DNM3: variants seen among roughly 807,000 people sequenced by gnomAD.
DNM3 encodes the protein dynamin-3.
Under a neutral mutation model 101.6 loss-of-function variants are expected in DNM3, and 47 were observed. The observed-to-expected ratio is 0.46, with a 90% CI of 0.37 to 0.59. The LOEUF is 0.59. Among genes scored for constraint, DNM3 ranks in the 20% least tolerant of loss-of-function variants. DNM3 has a pLI of 0.00. For synonymous variants in DNM3, 385 were observed against 387.9 expected, an observed-to-expected ratio of 0.99 and a Z score of 0.09; for missense variants, 849 against 1,085.7, an observed-to-expected ratio of 0.78 and a Z score of 3.06.
At chr1:171,851,463 G>T (rs1041294199) in intron 1 of DNM3, among the ~76,000 whole-genome samples, 5 of 152,350 alleles carry the variant, frequency 3.3e-5, no homozygotes, top group East Asian at 1.9e-4. Context: ...CGGCTGAAGT[G>T]CAGTGAGTGG....
At chr1:172,122,095 A>G (rs1338617191) in intron 13 of DNM3, among the ~76,000 whole-genome samples, 1 of 152,214 alleles carries the variant, frequency 6.6e-6, no homozygotes, top group Non-Finnish European at 1.5e-5. Context: ...CCTCTTTTAA[A>G]CAAGCAATAA....
At chr1:172,392,369 A>C (rs2069595043) in intron 20 of DNM3, among the ~76,000 whole-genome samples, 1 of 152,050 alleles carries the variant, frequency 6.6e-6, no homozygotes, top group South Asian at 2.1e-4. Flanking sequence ...CTCCCCTCTC[A>C]CCTCCACTCA....
intron 20 of DNM3, among the ~76,000 whole-genome samples, chr1:172,417,860 CA>C (rs1473796226): frequency 1.6e-4 from 25 of 152,326 alleles, no homozygotes; most frequent in African/African-American, 4.6e-4. Context: ...GGAGATTTCA[CA>C]ACATTCATTG....
chr1:172,054,875 C>T (rs901871926), intron 10 of DNM3, among the ~76,000 whole-genome samples: 3 of 152,102 alleles, frequency 2.0e-5, no homozygotes, highest in African/African-American at 7.2e-5. Flanking sequence ...AGGAGAATTG[C>T]TGGAACCTGG....
At chr1:172,025,644 G>A (rs2048152913) in intron 4 of DNM3, among the ~76,000 whole-genome samples, 3 of 152,176 alleles carry the variant, frequency 2.0e-5, no homozygotes, top group African/African-American at 7.2e-5. Flanking sequence ...GCCTCCGCTG[G>A]TGATACCCAG....
At chr1:172,078,398 T>C (rs938669100) in intron 11 of DNM3, among the ~76,000 whole-genome samples, 1 of 152,168 alleles carries the variant, frequency 6.6e-6, no homozygotes, top group Non-Finnish European at 1.5e-5. Context: ...GGCTGGGTCT[T>C]TGTTGGTTTA....
chr1:172,106,044 C>T (rs1177783863), intron 13 of DNM3, among the ~76,000 whole-genome samples: 1 of 151,964 alleles, frequency 6.6e-6, no homozygotes, highest in Non-Finnish European at 1.5e-5. Context: ...TAAAATAGTA[C>T]TGGATTTTCT....
At chr1:172,105,024 A>G (rs1241916096) in intron 13 of DNM3, among the ~76,000 whole-genome samples, 1 of 152,208 alleles carries the variant, frequency 6.6e-6, no homozygotes, top group East Asian at 1.9e-4. Flanking sequence ...AAGATTAAAC[A>G]CATTAATTTA....
intron 7 of DNM3, among the ~76,000 whole-genome samples, chr1:172,041,041 C>G (rs2049348750): frequency 6.6e-6 from 1 of 152,034 alleles, no homozygotes; most frequent in African/African-American, 2.4e-5. Flanking sequence ...CATTGAAAAA[C>G]AAGGCTAGAG....
rs778265323 is a variant in DNM3 at position 172,044,410 on chromosome 1, G to A, written c.1154G>A (p.Arg385Gln). 4.4e-6 allele frequency: 7 copies of A among 1,608,422 alleles called. No individual in the cohort carries two copies. The highest frequency in any genetic ancestry group is 1.1e-5 in the South Asian group (1 of 89,456). ...ATGGAGTTCAATGAGAAAGAATTGC[G>A]AAGAGAAATAAGCTATGCAATCAAA... ...VKMEFNEKELRREISYAIKNI... is the reference protein window; with the variant it reads ...VKMEFNEKELQREISYAIKNI... Residue 385 changes from arginine (R) to glutamine (Q), a missense_variant, in exon 9 of 21, where the codon CGA becomes CAA. This residue lies in a region of DNM3 where 388 missense variants were observed against 483.0 expected (regional missense o/e 0.80). Coordinates refer to ENST00000627582, the MANE Select transcript of DNM3 (RefSeq NM_015569.5).
intron 7 of DNM3, among the ~76,000 whole-genome samples, chr1:172,039,515 G>C (rs1202362793): frequency 3.3e-5 from 5 of 150,690 alleles, no homozygotes; most frequent in African/African-American, 1.2e-4. Context: ...TTCGTTCTTG[G>C]GTTTTGTTGA....
At chr1:172,414,201 A>G (rs2071347779), downstream of DNM3, among the ~76,000 whole-genome samples, 2 of 152,174 alleles carry the variant, frequency 1.3e-5, no homozygotes, top group South Asian at 4.1e-4. Context: ...AAGCACTTCA[A>G]CACACACCTG....
chr1:172,187,139 G>A (rs1057010989), intron 14 of DNM3, among the ~76,000 whole-genome samples: 2 of 152,044 alleles, frequency 1.3e-5, no homozygotes, highest in Non-Finnish European at 2.9e-5. Context: ...GGTTTGGGAA[G>A]GTTTTCTTTT....
intron 4 of DNM3, among the ~76,000 whole-genome samples, chr1:171,994,431 T>G (rs2045855163): frequency 6.6e-6 from 1 of 152,168 alleles, no homozygotes; most frequent in Non-Finnish European, 1.5e-5. Context: ...GCTAAACATT[T>G]ACCAAAGCTC....
At chr1:172,124,799 G>A (rs2056528815) in intron 13 of DNM3, among the ~76,000 whole-genome samples, 1 of 152,150 alleles carries the variant, frequency 6.6e-6, no homozygotes, top group African/African-American at 2.4e-5. Flanking sequence ...GTGCATTGTG[G>A]TATGTACAGA....
chr1:171,905,106 GAT>G (rs1010245410), intron 1 of DNM3, among the ~76,000 whole-genome samples: 4 of 152,218 alleles, frequency 2.6e-5, no homozygotes, highest in African/African-American at 9.7e-5. Flanking sequence ...AAAATGAAAA[GAT>G]GTGACATTTT....
chr1:172,145,157 G>T (rs1253583993), intron 14 of DNM3, among the ~76,000 whole-genome samples: 2 of 152,182 alleles, frequency 1.3e-5, no homozygotes, highest in Non-Finnish European at 2.9e-5. Flanking sequence ...CCAGGCTAGA[G>T]AAGTAATTTG....
intron 4 of DNM3, among the ~76,000 whole-genome samples, chr1:172,004,753 C>T (rs2046566405): frequency 6.6e-6 from 1 of 151,850 alleles, no homozygotes; most frequent in Non-Finnish European, 1.5e-5. Context: ...ACAGTCTCTA[C>T]CTGAAAGGCA....
At chr1:172,221,540 T>C (rs1199529046) in intron 14 of DNM3, among the ~76,000 whole-genome samples, 1 of 152,180 alleles carries the variant, frequency 6.6e-6, no homozygotes, top group Non-Finnish European at 1.5e-5. Flanking sequence ...ACTATCTTGG[T>C]AAAGGAATTC....
Sources: gnomAD v4.1 joint callset for allele counts (sites outside exome capture counted in the v4.1 genomes callset) on GRCh38, gnomAD v4.1.1 for gene constraint, gnomAD v4.1.1 regional missense constraint, MANE v1.5 for transcripts, NCBI Gene and HGNC (gene_info 2026-07-23, HGNC 2026-07-21) for gene names.